FILIP1L: variants seen among roughly 807,000 people sequenced by gnomAD.
The protein encoded by FILIP1L is filamin A interacting protein 1 like, also known as filamin A-interacting protein 1-like.
Under a neutral mutation model 96.6 loss-of-function variants are expected in FILIP1L, and 55 were observed. That is an observed-to-expected ratio of 0.57 (90% CI 0.46 to 0.71). The LOEUF (loss-of-function observed/expected upper bound fraction) is 0.71. Among genes scored for constraint, FILIP1L ranks in the 30% least tolerant of loss-of-function variants. FILIP1L has a pLI of 0.00. For missense variants in FILIP1L, 1,304 were observed against 1,321.2 expected, an observed-to-expected ratio of 0.99 and a Z score of 0.20; for synonymous variants, 467 against 473.9, an observed-to-expected ratio of 0.99 and a Z score of 0.19.
intron 4 of FILIP1L, among the ~76,000 whole-genome samples, chr3:99,854,034 T>C (rs1335678435): frequency 1.3e-5 from 2 of 152,202 alleles, no homozygotes; most frequent in Non-Finnish European, 2.9e-5. Context: ...CAGCTGGTTA[T>C]GCTACTGAAT....
chr3:99,991,838 G>A lies in FILIP1L; in HGVS notation c.-10-60808C>T, dbSNP rs984058682. Among the ~76,000 whole-genome samples the A allele has an allele frequency of 2.5e-3, 365 of 147,118 alleles. 1 individual carries two copies. Among genetic ancestry groups the A allele is most frequent in the African/African-American group, 8.6e-3 (344 of 39,888 alleles). Reference sequence around the variant, plus strand: ...CCATGGTGTGTGTATATATATATATGTGTGTGTGTGTGTGTGTGTATGTGT... The same window carrying A: ...CCATGGTGTGTGTATATATATATATATGTGTGTGTGTGTGTGTGTATGTGT... On this transcript the variant is annotated intron_variant, in intron 1 of 5. Coordinates refer to ENST00000477258, the MANE Select transcript of FILIP1L (RefSeq NM_001387850.1).
At chr3:99,869,076 T>A (rs1944657933) in intron 4 of FILIP1L, among the ~76,000 whole-genome samples, 2 of 152,184 alleles carry the variant, frequency 1.3e-5, no homozygotes. Flanking sequence ...GGCTGAGTGG[T>A]ACCTAAAGTT....
chr3:99,860,170 A>G (rs1304711408), intron 4 of FILIP1L, among the ~76,000 whole-genome samples: 2 of 152,164 alleles, frequency 1.3e-5, no homozygotes, highest in African/African-American at 4.8e-5. Flanking sequence ...GGTTAATACT[A>G]TTTTCCTTCA....
At position 100,114,255 on chromosome 3, in the gene FILIP1L, G is replaced by C. The variant is rs1216292082; in HGVS notation, c.-213C>G. ...GTGATAGCTCTGCAAAGGAGAGGCA[G>C]TGGGGAGCCCAACAACAAGTAGGCC... On this transcript the variant is annotated 5_prime_UTR_variant, in exon 1 of 6. Coordinates refer to ENST00000477258, the MANE Select transcript of FILIP1L (RefSeq NM_001387850.1). 1 of 151,676 alleles carries C rather than the reference G, an allele frequency of 6.6e-6. No individual in the cohort carries two copies. The highest frequency in any genetic ancestry group is 1.5e-5 in the Non-Finnish European group (1 of 67,994). The allele number at this position is 151,676 out of a possible 1,614,324, so 9.4% of individuals were successfully genotyped here. A position where few individuals can be genotyped will look rare whatever the true frequency, so the allele number is the denominator to read the frequency against.
chr3:100,021,481 GA>G (rs201091403), intron 1 of FILIP1L, among the ~76,000 whole-genome samples: 1,875 of 152,260 alleles, frequency 0.012, 32 homozygotes, highest in African/African-American at 0.042. Context: ...TCCTTGTAGA[GA>G]AAATTCCTGT....
chr3:99,847,928 T>C, intron 5 of FILIP1L: 1 of 995,558 alleles, frequency 1.0e-6, no homozygotes, highest in African/African-American at 1.7e-5. Flanking sequence ...CAAGCAATGG[T>C]AAAAATAACA....
intron 4 of FILIP1L, among the ~76,000 whole-genome samples, chr3:99,905,571 G>A (rs554576320): frequency 4.3e-4 from 66 of 152,242 alleles, no homozygotes; most frequent in African/African-American, 1.5e-3. Flanking sequence ...TTTACTAAAT[G>A]TGCACAAATA....
At chr3:100,038,155 C>T (rs1213808208) in intron 1 of FILIP1L, among the ~76,000 whole-genome samples, 1 of 152,050 alleles carries the variant, frequency 6.6e-6, no homozygotes, top group African/African-American at 2.4e-5. Flanking sequence ...AGAGTTTCAC[C>T]ATACTGGCCA....
intron 1 of FILIP1L, among the ~76,000 whole-genome samples, chr3:100,004,628 C>T (rs1709936966): frequency 6.6e-6 from 1 of 152,128 alleles, no homozygotes; most frequent in African/African-American, 2.4e-5. Context: ...GAGTAGCCAA[C>T]AGGATGTCAT....
chr3:99,844,091 T>C (rs564761457), intron 5 of FILIP1L, among the ~76,000 whole-genome samples: 2 of 152,088 alleles, frequency 1.3e-5, no homozygotes, highest in South Asian at 4.2e-4. Flanking sequence ...CCCTCATGAT[T>C]GTGTGGCTGA....
At chr3:99,925,877 G>GCCTT (rs1707277575) in intron 3 of FILIP1L, 4 of 985,424 alleles carry the variant, frequency 4.1e-6, no homozygotes, top group Non-Finnish European at 4.8e-6. Context: ...TCAGCTCCTG[G>GCCTT]CCTTGAGCTC....
intron 4 of FILIP1L, among the ~76,000 whole-genome samples, chr3:99,877,671 C>G (rs551674987): frequency 1.1e-3 from 172 of 152,324 alleles, no homozygotes; most frequent in South Asian, 4.6e-3. Context: ...TTTAACTCTT[C>G]TGCCCTATAC....
intron 1 of FILIP1L, among the ~76,000 whole-genome samples, chr3:99,961,817 C>T (rs1158436359): frequency 2.0e-5 from 3 of 152,106 alleles, no homozygotes; most frequent in Non-Finnish European, 2.9e-5. Flanking sequence ...TTAGGTCTGC[C>T]AACCTATTTT....
chr3:99,838,774 TAAAGTTGTC>T (rs1943002455), intron 5 of FILIP1L, among the ~76,000 whole-genome samples: 2 of 152,210 alleles, frequency 1.3e-5, no homozygotes, highest in Non-Finnish European at 2.9e-5. Flanking sequence ...TACTTATCCC[TAAAGTTGTC>T]ATAATACCCA....
At chr3:100,049,543 A>G (rs998282571) in intron 1 of FILIP1L, among the ~76,000 whole-genome samples, 20 of 152,314 alleles carry the variant, frequency 1.3e-4, no homozygotes, top group African/African-American at 4.8e-4. Flanking sequence ...TCATTGAGGG[A>G]ATAAAAGTGA....
At chr3:100,095,383 G>A (rs923205079) in intron 1 of FILIP1L, among the ~76,000 whole-genome samples, 4 of 151,958 alleles carry the variant, frequency 2.6e-5, no homozygotes, top group Non-Finnish European at 2.9e-5. Flanking sequence ...TTCTGTATCC[G>A]TGAATTCAAC....
intron 4 of FILIP1L, among the ~76,000 whole-genome samples, chr3:99,919,467 G>T (rs1223738648): frequency 6.7e-6 from 1 of 149,934 alleles, no homozygotes; most frequent in African/African-American, 2.5e-5. Flanking sequence ...ATCAATTATT[G>T]TTTTTGTTTT....
At chr3:99,886,102 T>C (rs1705886305) in intron 4 of FILIP1L, among the ~76,000 whole-genome samples, 1 of 147,934 alleles carries the variant, frequency 6.8e-6, no homozygotes, top group African/African-American at 2.4e-5. Context: ...GAACACTCTA[T>C]GTGTGCACAC....
At chr3:99,883,894 C>G (rs565714346) in intron 4 of FILIP1L, among the ~76,000 whole-genome samples, 1 of 152,116 alleles carries the variant, frequency 6.6e-6, no homozygotes. Context: ...AATGATGGCA[C>G]CAGAGTTTGA....
Sources: allele counts gnomAD v4.1 joint callset (sites outside exome capture counted in the v4.1 genomes callset), GRCh38; gene constraint gnomAD v4.1.1; transcripts MANE v1.5; gene names NCBI Gene and HGNC (gene_info 2026-07-23, HGNC 2026-07-21).